Variants in PCDHA11 observed in about 807,000 individuals in gnomAD.
The protein encoded by PCDHA11 is protocadherin alpha-11.
Under a neutral mutation model 70.3 loss-of-function variants are expected in PCDHA11, and 61 were observed. The observed-to-expected ratio is 0.87, with a 90% CI of 0.71 to 1.07. The LOEUF (loss-of-function observed/expected upper bound fraction) is 1.07. PCDHA11 is among the 50% of genes least tolerant of loss of function. The probability of loss-of-function intolerance (pLI) is 0.00; values close to 1 mark genes in which losing one functional copy is unlikely to be tolerated. For synonymous variants in PCDHA11, 633 were observed against 555.1 expected (o/e 1.14, Z -1.97); for missense variants, 1,324 against 1,237.5 (o/e 1.07, Z -1.05).
In PCDHA11 at chr5:140,993,460, T is replaced by TCCCA. The variant is rs1554253699; in HGVS notation, c.2539+10898_2539+10899insCCAC. On this transcript the variant is annotated intron_variant, in intron 3 of 3. Transcript: ENST00000398640. Reference sequence around the variant, plus strand: ...TTCATTCCTGTTCTCCTTCTTTCTTTCTCACACACACACACACACACACAC... The same window carrying TCCCA: ...TTCATTCCTGTTCTCCTTCTTTCTTTCCCACTCACACACACACACACACACACAC... Among the ~76,000 whole-genome samples, 30 of 104,506 alleles carry TCCCA rather than the reference T, an allele frequency of 2.9e-4. 1 individual carries two copies. The highest frequency in any genetic ancestry group is 1.1e-3 in the African/African-American group (29 of 25,484). The allele number at this position is 104,506 out of a possible 152,430, so 68.6% of individuals were successfully genotyped here.
At chr5:140,961,271 AC>A (rs1460316643) in intron 1 of PCDHA11, among the ~76,000 whole-genome samples, 1 of 152,208 alleles carries the variant, frequency 6.6e-6, no homozygotes, top group Non-Finnish European at 1.5e-5. Context: ...GCTTCTTTTT[AC>A]CATGGCTCTG....
chr5:140,883,804 G>T (rs373228578), intron 1 of PCDHA11: 1 of 1,612,420 alleles, frequency 6.2e-7, no homozygotes, highest in African/African-American at 1.3e-5. Context: ...CGGTGCACGC[G>T]GAGAGCGGCA....
intron 1 of PCDHA11, among the ~76,000 whole-genome samples, chr5:140,897,805 A>G (rs1216400632): frequency 6.6e-6 from 1 of 152,172 alleles, no homozygotes; most frequent in Non-Finnish European, 1.5e-5. Context: ...AGTCCCACCA[A>G]CAGTGTAAAA....
intron 1 of PCDHA11, chr5:140,969,456 A>G (rs963968770): frequency 4.0e-6 from 6 of 1,508,992 alleles, no homozygotes; most frequent in Admixed American, 2.2e-5. Flanking sequence ...CTGAGTATAT[A>G]TAGTATCCAC....
intron 1 of PCDHA11, among the ~76,000 whole-genome samples, chr5:140,906,235 C>G (rs1319955366): frequency 1.3e-5 from 2 of 152,174 alleles, no homozygotes; most frequent in African/African-American, 4.8e-5. Flanking sequence ...CTCCCCTTGT[C>G]AACTTGAACC....
At chr5:141,001,253 C>T (rs896546841) in intron 3 of PCDHA11, among the ~76,000 whole-genome samples, 22 of 152,078 alleles carry the variant, frequency 1.4e-4, no homozygotes, top group African/African-American at 5.1e-4. Flanking sequence ...CCCTATGGGG[C>T]GGGCACTCTT....
chr5:140,921,634 T>C (rs1324251436), intron 1 of PCDHA11, among the ~76,000 whole-genome samples: 1 of 152,220 alleles, frequency 6.6e-6, no homozygotes, highest in Non-Finnish European at 1.5e-5. Context: ...ATCATTATGG[T>C]AGCTATTTTA....
intron 1 of PCDHA11, among the ~76,000 whole-genome samples, chr5:140,924,643 C>G (rs2081929149): frequency 1.3e-5 from 2 of 152,196 alleles, no homozygotes; most frequent in Admixed American, 1.3e-4. Flanking sequence ...ACCTGTAATC[C>G]CAGCACTTTG....
At chr5:140,871,729 G>A in intron 1 of PCDHA11, 1 of 714,516 alleles carries the variant, frequency 1.4e-6, no homozygotes, top group Non-Finnish European at 2.2e-6. Flanking sequence ...TTAATATTTG[G>A]TTAGCAAATC....
intron 1 of PCDHA11, among the ~76,000 whole-genome samples, chr5:140,914,169 G>A (rs997751296): frequency 1.1e-4 from 17 of 152,140 alleles, no homozygotes; most frequent in Admixed American, 6.5e-5. Context: ...GGAAAGTGGG[G>A]TGTTGAATTC....
chr5:140,878,408 T>G (rs1554170402), intron 1 of PCDHA11, among the ~76,000 whole-genome samples: 2 of 152,244 alleles, frequency 1.3e-5, no homozygotes, highest in Non-Finnish European at 2.9e-5. Context: ...AAATATCTTC[T>G]TTATTTCAAG....
chr5:140,882,985 C>T (rs1554176359), intron 1 of PCDHA11: 14 of 1,614,110 alleles, frequency 8.7e-6, no homozygotes, highest in Non-Finnish European at 1.1e-5. Flanking sequence ...ATGACAACGC[C>T]CCGGAATTTT....
chr5:140,904,397 T>G (rs2071090298), intron 1 of PCDHA11, among the ~76,000 whole-genome samples: 1 of 151,416 alleles, frequency 6.6e-6, no homozygotes, highest in East Asian at 1.9e-4. Flanking sequence ...TATTCCATGG[T>G]GTATTATATA....
intron 1 of PCDHA11, chr5:140,882,051 A>T: frequency 1.3e-6 from 1 of 757,670 alleles, no homozygotes; most frequent in Non-Finnish European, 2.0e-6. Flanking sequence ...AGTCATACTT[A>T]CACTTACACG....
chr5:140,975,126 A>G (rs1334807357), intron 1 of PCDHA11, among the ~76,000 whole-genome samples: 6 of 152,074 alleles, frequency 3.9e-5, no homozygotes, highest in Admixed American at 2.6e-4. Flanking sequence ...CCTACTTACT[A>G]TTGGCCTGGG....
chr5:140,964,952 T>C (rs868971882), intron 1 of PCDHA11, among the ~76,000 whole-genome samples: 1 of 152,190 alleles, frequency 6.6e-6, no homozygotes, highest in South Asian at 2.1e-4. Flanking sequence ...TGAGTGTGCT[T>C]GGTTGGTGGA....
intron 1 of PCDHA11, among the ~76,000 whole-genome samples, chr5:140,878,566 A>G (rs2057645190): frequency 6.6e-6 from 1 of 152,262 alleles, no homozygotes. Context: ...AACTTATCAT[A>G]GTATACCACT....
At chr5:140,929,414 A>T (rs1174756115) in intron 1 of PCDHA11, 15 of 1,504,422 alleles carry the variant, frequency 1.0e-5, no homozygotes, top group Non-Finnish European at 1.3e-5. Context: ...GCCTTTCACA[A>T]CATTTCATCA....
chr5:140,927,453 G>T, intron 1 of PCDHA11: 3 of 1,614,168 alleles, frequency 1.9e-6, no homozygotes, highest in Non-Finnish European at 2.5e-6. Context: ...AGTTGGTGTT[G>T]GAGAAAGCAC....
Sources: allele counts gnomAD v4.1 joint callset (sites outside exome capture counted in the v4.1 genomes callset), GRCh38; gene constraint gnomAD v4.1.1; transcripts MANE v1.5; gene names NCBI Gene and HGNC (gene_info 2026-07-23, HGNC 2026-07-21).